NETO2: variants seen among roughly 807,000 people sequenced by gnomAD.
NETO2 encodes the protein neuropilin and tolloid-like protein 2.
NETO2 carries 28 observed loss-of-function variants against 62.5 expected under a neutral mutation model. The observed-to-expected ratio is 0.45, with a 90% CI of 0.33 to 0.61. The LOEUF (loss-of-function observed/expected upper bound fraction) is 0.61. Ranked by LOEUF, NETO2 falls within the 20% of genes least tolerant of loss-of-function variation. NETO2 has a pLI of 0.02. For missense variants in NETO2, 548 were observed against 643.2 expected, an observed-to-expected ratio of 0.85 and a Z score of 1.60; for synonymous variants, 214 against 219.1, an observed-to-expected ratio of 0.98 and a Z score of 0.21.
chr16:47,113,892 C>T (rs1042191451), intron 6 of NETO2, among the ~76,000 whole-genome samples: 6 of 152,098 alleles, frequency 3.9e-5, no homozygotes, highest in African/African-American at 7.2e-5. Context: ...CGCACCTGGC[C>T]TATTCTTTTA....
At chr16:47,123,276 T>A (rs970508766) in intron 4 of NETO2, among the ~76,000 whole-genome samples, 1 of 152,190 alleles carries the variant, frequency 6.6e-6, no homozygotes, top group African/African-American at 2.4e-5. Flanking sequence ...AAACTTCGGC[T>A]TAAATGGATG....
At chr16:47,108,263 T>C (rs1031946529) in intron 7 of NETO2, among the ~76,000 whole-genome samples, 12 of 152,128 alleles carry the variant, frequency 7.9e-5, no homozygotes, top group Admixed American at 6.5e-5. Flanking sequence ...AACGCTACAG[T>C]AGTAACTGTT....
intron 1 of NETO2, among the ~76,000 whole-genome samples, chr16:47,133,906 C>T (rs1964319628): frequency 6.6e-6 from 1 of 152,068 alleles, no homozygotes; most frequent in Non-Finnish European, 1.5e-5. Flanking sequence ...ACCAATAATC[C>T]TAATGGTTGT....
rs1453429100 is a variant in NETO2 at position 47,080,852 on chromosome 16, C to G, written c.*2369G>C. ...GAAGAAATGTTCCTATATACAGACC[C>G]TCATGCTGTAGTTCAAGAGGAAATT... On this transcript the variant is annotated 3_prime_UTR_variant, in exon 9 of 9. Coordinates refer to ENST00000562435, the MANE Select transcript of NETO2 (RefSeq NM_018092.5). 1 of 152,174 alleles carries G rather than the reference C, an allele frequency of 6.6e-6. No homozygotes were observed. The highest frequency in any genetic ancestry group is 1.9e-4 in the East Asian group (1 of 5,198). The allele number at this position is 152,174 out of a possible 1,614,324, so 9.4% of individuals were successfully genotyped here.
rs922811269 is a variant in NETO2, at chr16:47,086,167, T to C, written c.997+59A>G. The C allele has an allele frequency of 2.5e-5, 24 of 944,218 alleles. No homozygotes were observed. The Admixed American group carries it at 3.1e-4, about 12-fold the overall frequency. 58.5% of individuals were successfully genotyped at this position (944,218 alleles called of 1,614,324 possible). Reference sequence around the variant, plus strand: ...TTGTAGAAAATAACATTTTAAGTTCTTAATGAAGGGCAATAGCCACTCTTT... The same window carrying C: ...TTGTAGAAAATAACATTTTAAGTTCCTAATGAAGGGCAATAGCCACTCTTT... On this transcript the variant is annotated intron_variant, in intron 8 of 8. Transcript: ENST00000562435.
chr16:47,106,700 T>C (rs188178916), intron 7 of NETO2, among the ~76,000 whole-genome samples: 13 of 152,272 alleles, frequency 8.5e-5, no homozygotes, highest in Non-Finnish European at 1.8e-4. Context: ...TAAAATAAAG[T>C]TGGTGTATAC....
At chr16:47,106,301 A>G (rs1963673752) in intron 7 of NETO2, among the ~76,000 whole-genome samples, 1 of 152,156 alleles carries the variant, frequency 6.6e-6, no homozygotes, top group South Asian at 2.1e-4. Flanking sequence ...GGGTAGGGAG[A>G]GAGAAAAATG....
chr16:47,122,818 C>T, intron 5 of NETO2, 34 bp from the exon 6 acceptor site: 1 of 1,613,766 alleles, frequency 6.2e-7, no homozygotes, highest in Non-Finnish European at 8.5e-7. Context: ...TTCAAAGGAA[C>T]ATAAGACTAA....
At chr16:47,090,778 T>G (rs1247618601) in intron 7 of NETO2, among the ~76,000 whole-genome samples, 1 of 152,228 alleles carries the variant, frequency 6.6e-6, no homozygotes, top group African/African-American at 2.4e-5. Flanking sequence ...TGTTTCTTTC[T>G]TAAAGAGTGA....
chr16:47,100,950 T>A (rs1404304716), intron 7 of NETO2, among the ~76,000 whole-genome samples: 6 of 152,330 alleles, frequency 3.9e-5, no homozygotes, highest in Non-Finnish European at 7.4e-5. Context: ...TAACTCACTT[T>A]ATGTGGCCAG....
chr16:47,119,638 T>C (rs1462918901), intron 6 of NETO2, among the ~76,000 whole-genome samples: 1 of 152,166 alleles, frequency 6.6e-6, no homozygotes, highest in Non-Finnish European at 1.5e-5. Flanking sequence ...TCTTAACTTA[T>C]TAAATTTCAG....
chr16:47,101,695 G>C (rs1963549051), intron 7 of NETO2, among the ~76,000 whole-genome samples: 1 of 151,934 alleles, frequency 6.6e-6, no homozygotes. Context: ...GCTACAAAGA[G>C]AATAAAATAC....
intron 7 of NETO2, among the ~76,000 whole-genome samples, chr16:47,087,045 T>C (rs113193903): frequency 6.6e-6 from 1 of 152,072 alleles, no homozygotes; most frequent in South Asian, 2.1e-4. Flanking sequence ...TTTTTTTTTT[T>C]TTGAGATGGA....
At chr16:47,104,174 A>G (rs1963619225) in intron 7 of NETO2, among the ~76,000 whole-genome samples, 1 of 152,228 alleles carries the variant, frequency 6.6e-6, no homozygotes, top group Non-Finnish European at 1.5e-5. Context: ...TAATAAACTA[A>G]GTCAACAAAG....
intron 7 of NETO2, among the ~76,000 whole-genome samples, chr16:47,108,078 A>T (rs1004301054): frequency 6.6e-6 from 1 of 152,098 alleles, no homozygotes; most frequent in Non-Finnish European, 1.5e-5. Context: ...GCCCGGTCAC[A>T]ATAATAATAT....
intron 4 of NETO2, among the ~76,000 whole-genome samples, chr16:47,123,809 T>C (rs1225324595): frequency 1.3e-5 from 2 of 152,178 alleles, no homozygotes; most frequent in Non-Finnish European, 2.9e-5. Context: ...GCAATTCTCC[T>C]GCCTCAGCCT....
chr16:47,100,002 T>C (rs990948909), intron 7 of NETO2, among the ~76,000 whole-genome samples: 1 of 152,200 alleles, frequency 6.6e-6, no homozygotes, highest in Non-Finnish European at 1.5e-5. Context: ...ATCAACAGAA[T>C]GTACATTCTT....
At chr16:47,116,205 C>T (rs947793418) in intron 6 of NETO2, among the ~76,000 whole-genome samples, 5 of 150,976 alleles carry the variant, frequency 3.3e-5, no homozygotes, top group Admixed American at 6.6e-5. Context: ...CCTTGAACTC[C>T]TGAGCTCAAG....
chr16:47,115,700 T>TATATATATATATAC (rs200546964), intron 6 of NETO2, among the ~76,000 whole-genome samples: 7,024 of 136,028 alleles, frequency 0.052, 584 homozygotes, highest in African/African-American at 0.17. Flanking sequence ...CTAATTTTTA[T>TATATATATATATAC]ATATATATAT....
Sources: allele counts gnomAD v4.1 joint callset (sites outside exome capture counted in the v4.1 genomes callset), GRCh38; gene constraint gnomAD v4.1.1; transcripts MANE v1.5; gene names NCBI Gene and HGNC (gene_info 2026-07-23, HGNC 2026-07-21).